Variants in ANKMY2 observed in about 807,000 individuals in gnomAD.
ANKMY2 encodes the protein ankyrin repeat and MYND domain-containing protein 2.
A neutral mutation model predicts 50.4 loss-of-function variants in ANKMY2; 36 were observed. That is an observed-to-expected ratio of 0.71 (90% confidence interval 0.55 to 0.94). The LOEUF (loss-of-function observed/expected upper bound fraction) is 0.94. Ranked by LOEUF, ANKMY2 falls within the 40% of genes least tolerant of loss-of-function variation. The pLI is 0.00. For missense variants in ANKMY2, 565 were observed against 524.0 expected (o/e 1.08, Z -0.76); for synonymous variants, 187 against 178.8 (o/e 1.05, Z -0.36).
chr7:16,645,743 GCGGGCGAGCT>G lies in ANKMY2; in HGVS notation c.-180_-171del. ...CCTCCCTCCCGCGGGCTGGCGGACA[GCGGGCGAGCT>G]CGGGCGAGCCAGGCGGACGGTCTCC... On this transcript the variant is annotated 5_prime_UTR_variant, in exon 1 of 10. Coordinates refer to ENST00000306999, the MANE Select transcript of ANKMY2 (RefSeq NM_020319.3). The G allele has an allele frequency of 2.8e-6, 2 of 725,262 alleles. No individual in the cohort carries two copies. Among genetic ancestry groups the G allele is most frequent in the Non-Finnish European group, 4.1e-6 (2 of 486,290 alleles). 44.9% of individuals were successfully genotyped at this position (725,262 alleles called of 1,614,324 possible).
At chr7:16,624,857 A>G in intron 4 of ANKMY2, 126 bp downstream of exon 4, 1 of 706,118 alleles carries the variant, frequency 1.4e-6, no homozygotes, top group Non-Finnish European at 2.4e-6. Flanking sequence ...GTTACAGTGG[A>G]CTGTAAATAC....
intron 5 of ANKMY2, among the ~76,000 whole-genome samples, chr7:16,615,308 C>CTATG (rs1781325636): frequency 6.6e-6 from 1 of 152,198 alleles, no homozygotes; most frequent in Admixed American, 6.5e-5. Flanking sequence ...GGGTCAGCTA[C>CTATG]TATGGTCTTT....
intron 2 of ANKMY2, among the ~76,000 whole-genome samples, chr7:16,629,428 C>T (rs1467644088): frequency 5.3e-5 from 8 of 151,960 alleles, no homozygotes; most frequent in South Asian, 2.1e-4. Context: ...CCCAGCTACT[C>T]GGGAAGCTGA....
intron 2 of ANKMY2, among the ~76,000 whole-genome samples, chr7:16,635,995 G>GA (rs1016836672): frequency 1.3e-5 from 2 of 151,784 alleles, no homozygotes; most frequent in Admixed American, 6.6e-5. Context: ...AAAAATGCTA[G>GA]AAAAAAAACT....
chr7:16,635,642 T>A (rs777687148), intron 2 of ANKMY2, among the ~76,000 whole-genome samples: 11 of 152,200 alleles, frequency 7.2e-5, no homozygotes, highest in Non-Finnish European at 1.2e-4. Flanking sequence ...AATGCTCAGA[T>A]GTTACCACCA....
rs1230976950 is a variant in ANKMY2, at chr7:16,645,741, C to G, written c.-168G>C. The G allele has an allele frequency of 1.3e-6, 1 of 747,698 alleles. No homozygotes were observed. Among genetic ancestry groups the G allele is most frequent in the African/African-American group, 1.9e-5 (1 of 53,416 alleles). 46.3% of individuals were successfully genotyped at this position (747,698 alleles called of 1,614,324 possible). On this transcript the variant is annotated 5_prime_UTR_variant, in exon 1 of 10. Coordinates refer to ENST00000306999, the MANE Select transcript of ANKMY2 (RefSeq NM_020319.3). ...CTCCTCCCTCCCGCGGGCTGGCGGA[C>G]AGCGGGCGAGCTCGGGCGAGCCAGG...
intron 4 of ANKMY2, 53 bp from the exon 5 acceptor site, chr7:16,615,957 C>T: frequency 6.6e-7 from 1 of 1,507,000 alleles, no homozygotes; most frequent in Non-Finnish European, 8.9e-7. Flanking sequence ...AATAACACAT[C>T]TGGTTTTTAA....
Position 16,645,526 on chromosome 7 carries a change from T to A in ANKMY2, c.48A>T (p.Leu16=), listed in dbSNP as rs200963236. Residue 16 remains leucine (L), a synonymous_variant, in exon 1 of 10, where the codon CTA becomes CTT. Coordinates refer to ENST00000306999, the MANE Select transcript of ANKMY2 (RefSeq NM_020319.3). ...CCGTACCTTTCCCGATGACTTCCAG[T>A]AGCTCCTTCTCCTCCTGGGTCAGCT... ...KGELTQEEKE[L]LEVIGKGTVQ... 17 of 1,611,780 alleles carry A rather than the reference T, an allele frequency of 1.1e-5. No homozygotes were observed. The East Asian group carries it at 3.8e-4, about 36-fold the overall frequency.
intron 2 of ANKMY2, among the ~76,000 whole-genome samples, chr7:16,628,132 G>C (rs930797613): frequency 6.6e-6 from 1 of 152,198 alleles, no homozygotes; most frequent in Non-Finnish European, 1.5e-5. Flanking sequence ...GTTAGTGTGA[G>C]TGAATTTTCT....
intron 4 of ANKMY2, 135 bp downstream of exon 4, chr7:16,624,848 T>C (rs1289054182): frequency 7.5e-6 from 5 of 665,492 alleles, no homozygotes; most frequent in African/African-American, 1.8e-5. Flanking sequence ...TTTCATTAAG[T>C]TACAGTGGAC....
intron 1 of ANKMY2, among the ~76,000 whole-genome samples, chr7:16,638,562 C>A (rs1157631911): frequency 6.6e-6 from 1 of 152,222 alleles, no homozygotes; most frequent in Non-Finnish European, 1.5e-5. Flanking sequence ...AAGCTCTCTG[C>A]AACCTGTAGT....
intron 2 of ANKMY2, among the ~76,000 whole-genome samples, chr7:16,632,467 G>A (rs993511626): frequency 7.2e-5 from 11 of 151,984 alleles, no homozygotes; most frequent in African/African-American, 2.4e-4. Flanking sequence ...CTATGAATTT[G>A]CCTATTTTTG....
In ANKMY2 at chr7:16,610,761, G is replaced by A. The variant is rs146888539; in HGVS notation, c.534C>T (p.Ile178=). 66 of 1,613,078 alleles carry A rather than the reference G, an allele frequency of 4.1e-5. No homozygotes were observed. Among genetic ancestry groups the A allele is most frequent in the Non-Finnish European group, 5.5e-5 (65 of 1,179,720 alleles). The part of the protein sequence containing the change: ...ITTTNLHPVK[I]VMLVNENPLL... ...GAGGATTCTCATTTACAAGCATCAC[G>A]ATCTAGAGGAAATCCCAGTGTACTC... The change falls in exon 6 of 10, where the codon ATC becomes ATT. Residue 178 remains isoleucine, a splice_region_variant and synonymous_variant. Coordinates refer to ENST00000306999, the MANE Select transcript of ANKMY2 (RefSeq NM_020319.3).
At chr7:16,639,183 C>T (rs1054414359) in intron 1 of ANKMY2, among the ~76,000 whole-genome samples, 4 of 152,210 alleles carry the variant, frequency 2.6e-5, no homozygotes, top group South Asian at 2.1e-4. Flanking sequence ...AAATGTGAAA[C>T]ACATGGCTCA....
Position 16,643,864 on chromosome 7 carries a change from CAAA to C in ANKMY2, c.67+1640_67+1642del, listed in dbSNP as rs35460495. Among the ~76,000 whole-genome samples the C allele has an allele frequency of 8.9e-4, 89 of 100,220 alleles. 2 individuals are homozygous for C. The highest frequency in any genetic ancestry group is 8.8e-3 in the Admixed American group (88 of 10,036). 65.7% of individuals were successfully genotyped at this position (100,220 alleles called of 152,430 possible). On this transcript the variant is annotated intron_variant, in intron 1 of 9. Transcript: ENST00000306999. ...GGAGACCCCCACCACCCCATCTCTA[CAAA>C]AAAAAAAAAAAAATCTTTCTAAAGT...
In ANKMY2 at chr7:16,636,464, A is replaced by G; in HGVS notation, c.68-9T>C. On this transcript the variant is annotated splice_polypyrimidine_tract_variant and intron_variant, in intron 1 of 9. Transcript: ENST00000306999. The stretch of plus-strand genomic sequence containing the variant: ...AGCTTCTTGGACAGTACCTAAAAAA[A>G]AAAAAAAGATGAAAAGTAAGGTTAT... The G allele has an allele frequency of 1.3e-6, 2 of 1,575,506 alleles. No individual in the cohort carries two copies. The highest frequency in any genetic ancestry group is 1.7e-6 in the Non-Finnish European group (2 of 1,162,986).
chr7:16,600,846 T>G lies in ANKMY2; in HGVS notation c.1241A>C (p.Glu414Ala). 6.2e-7 allele frequency: 1 copy of G among 1,613,576 alleles called. No homozygotes were observed. Among genetic ancestry groups the G allele is most frequent in the Non-Finnish European group, 8.5e-7 (1 of 1,179,770 alleles). ...QKDSNPEDSG[E>A]GKKESLESEA... ...GCTTTCAAGAGATTCTTTCTTTCCT[T>G]CCCCGGAATCTTCAGGATTGGAATC... The change falls in exon 10 of 10, where the codon GAA becomes GCA. Residue 414 changes from glutamate to alanine, a missense_variant. By Grantham distance (107) the Glu-to-Ala change is moderately radical (BLOSUM62 -1). Coordinates refer to ENST00000306999, the MANE Select transcript of ANKMY2 (RefSeq NM_020319.3).
intron 1 of ANKMY2, among the ~76,000 whole-genome samples, chr7:16,641,878 G>C (rs568242898): frequency 6.6e-6 from 1 of 152,318 alleles, no homozygotes; most frequent in South Asian, 2.1e-4. Context: ...AGATCTGTTA[G>C]TGGTTGCCTG....
At chr7:16,622,058 G>C (rs1357977423) in intron 4 of ANKMY2, among the ~76,000 whole-genome samples, 1 of 151,624 alleles carries the variant, frequency 6.6e-6, no homozygotes, top group African/African-American at 2.4e-5. Flanking sequence ...GAAGGAAGAA[G>C]AAGAAGAGGA....
Sources: gnomAD v4.1 joint callset for allele counts (sites outside exome capture counted in the v4.1 genomes callset) on GRCh38, gnomAD v4.1.1 for gene constraint, MANE v1.5 for transcripts, NCBI Gene and HGNC (gene_info 2026-07-23, HGNC 2026-07-21) for gene names.